Variants in TBC1D8B observed in about 807,000 individuals in gnomAD.
The protein encoded by TBC1D8B is TBC1 domain family member 8B, also known as RP11-321G1.1.
Under a neutral mutation model 82.9 loss-of-function variants are expected in TBC1D8B, and 75 were observed. The ratio of observed to expected loss-of-function variants is 0.90; its 90% CI spans 0.75 to 1.10. The LOEUF (loss-of-function observed/expected upper bound fraction) is 1.10, where lower values mean the gene tolerates loss of function less well. Among genes scored for constraint, TBC1D8B ranks in the 50% least tolerant of loss-of-function variants. The pLI, the probability that TBC1D8B is intolerant of heterozygous loss-of-function variation, is 0.00. For synonymous variants in TBC1D8B, 276 were observed against 276.8 expected (o/e 1.00, Z 0.03); for missense variants, 794 against 796.9 (o/e 1.00, Z 0.04).
In TBC1D8B at chrX:106,826,032, G is replaced by T; in HGVS notation, c.830G>T (p.Gly277Val). 3 of 1,208,287 alleles carry T rather than the reference G, an allele frequency of 2.5e-6. No homozygotes were observed. The highest frequency in any genetic ancestry group is 3.4e-6 in the Non-Finnish European group (3 of 893,791). The change falls in exon 6 of 21, where the codon GGT becomes GTT. Residue 277 changes from glycine to valine, a missense_variant and splice_region_variant. By Grantham distance (109) the Gly-to-Val change is moderately radical. Transcript: ENST00000357242. ...LYNPLQITKR[G>V]LENRAHSEQF... is the part of the protein sequence containing the mutation. ...ATCCCATTTTTTCTTTCCTACAGAG[G>T]TCTGGAAAATAGAGCCCACAGTGAG...
chrX:106,868,600 AC>A, intron 18 of TBC1D8B, 124 bp downstream of exon 18: 1 of 354,475 alleles, frequency 2.8e-6, no homozygotes, highest in Non-Finnish European at 4.6e-6. Flanking sequence ...CTTTTGTATT[AC>A]CACAGCACTT....
At chrX:106,815,736 G>A (rs1385757443) in intron 1 of TBC1D8B, 1 of 110,997 alleles carries the variant, frequency 9.0e-6, no homozygotes, top group Admixed American at 9.6e-5. Flanking sequence ...GCAGTGGTTT[G>A]TAGTTCTCCT....
intron 11 of TBC1D8B, among the ~76,000 whole-genome samples, chrX:106,848,838 C>T (rs994767860): frequency 9.1e-6 from 1 of 110,343 alleles, no homozygotes; most frequent in Admixed American, 9.7e-5. Flanking sequence ...AGTGCGGCCT[C>T]GGCTTACTGC....
chrX:106,872,229 G>A (rs180716224), intron 20 of TBC1D8B, among the ~76,000 whole-genome samples: 2 of 105,723 alleles, frequency 1.9e-5, no homozygotes, highest in East Asian at 6.0e-4. Context: ...CAGCCTGGGC[G>A]AGCTGAGATT....
At chrX:106,822,617 C>G (rs946257880) in intron 4 of TBC1D8B, among the ~76,000 whole-genome samples, 1 of 111,257 alleles carries the variant, frequency 9.0e-6, no homozygotes, top group Non-Finnish European at 1.9e-5. Flanking sequence ...AGCATACAAA[C>G]AGCTTTTACA....
chrX:106,821,886 G>C lies in TBC1D8B; in HGVS notation c.361-91G>C, dbSNP rs764729876. ...AACCCATGGATATGGAGGGCTGACTGTACAATTGTATTCAATCAACTGTTT... is the reference window on the plus strand; with the variant it reads ...AACCCATGGATATGGAGGGCTGACTCTACAATTGTATTCAATCAACTGTTT... On this transcript the variant is annotated intron_variant, in intron 3 of 20. Coordinates refer to ENST00000357242, the MANE Select transcript of TBC1D8B (RefSeq NM_017752.3). 6 of 749,350 alleles carry C rather than the reference G, an allele frequency of 8.0e-6. No homozygotes were observed. In the South Asian group the frequency reaches 1.6e-4, roughly 20 times the overall value. 61.8% of individuals were successfully genotyped at this position (749,350 alleles called of 1,213,427 possible). A position where few individuals can be genotyped will look rare whatever the true frequency, so the allele number is the denominator to read the frequency against.
intron 5 of TBC1D8B, 149 bp from the exon 6 acceptor site, chrX:106,825,881 T>C: frequency 2.5e-6 from 1 of 405,757 alleles, no homozygotes; most frequent in Non-Finnish European, 4.0e-6. Flanking sequence ...TATTTTTTTC[T>C]ATTTCAGAAT....
rs1412196949 is a variant in TBC1D8B at position 106,849,953 on chromosome X, A to G, written c.1838-72A>G. On this transcript the variant is annotated intron_variant, in intron 11 of 20. Transcript: ENST00000357242. The stretch of plus-strand genomic sequence containing the variant: ...GAATGAGATACATCAGCATGCTAAT[A>G]GAAGTGGGGAGGTATGGAAACAAGT... 2.2e-5 allele frequency: 24 copies of G among 1,108,213 alleles called. No individual in the cohort carries two copies. The Admixed American group carries it at 5.4e-4, about 25-fold the overall frequency. The allele number at this position is 1,108,213 out of a possible 1,213,427, so 91.3% of individuals were successfully genotyped here.
At chrX:106,809,525 AAG>A (rs1256109314) in intron 1 of TBC1D8B, among the ~76,000 whole-genome samples, 1 of 110,948 alleles carries the variant, frequency 9.0e-6, no homozygotes, top group Non-Finnish European at 1.9e-5. Context: ...TGTGAAGGGA[AAG>A]AGAGAAATAG....
intron 2 of TBC1D8B, 37 bp downstream of exon 2, chrX:106,818,810 A>G: frequency 1.9e-6 from 2 of 1,049,339 alleles, no homozygotes; most frequent in South Asian, 2.0e-5. Context: ...CAAATTAAAT[A>G]AGGGTACTAC....
At chrX:106,866,745 A>C in intron 16 of TBC1D8B, 52 bp from the exon 17 acceptor site, 1 of 897,787 alleles carries the variant, frequency 1.1e-6, no homozygotes, top group Non-Finnish European at 1.6e-6. Context: ...GCTGAAATTG[A>C]TTGAATGTTC....
intron 12 of TBC1D8B, among the ~76,000 whole-genome samples, chrX:106,852,370 G>T (rs1458615472): frequency 1.9e-5 from 2 of 104,596 alleles, no homozygotes; most frequent in African/African-American, 6.9e-5. Context: ...TAGGTTGCCT[G>T]TTCACTCTGA....
chrX:106,831,528 A>G (rs1408990248), intron 7 of TBC1D8B, among the ~76,000 whole-genome samples: 5 of 111,366 alleles, frequency 4.5e-5, no homozygotes, highest in African/African-American at 1.3e-4. Context: ...TACTTATATC[A>G]TGTTTTCCTT....
intron 6 of TBC1D8B, among the ~76,000 whole-genome samples, chrX:106,826,962 CAT>C (rs1931865957): frequency 1.8e-5 from 2 of 111,001 alleles, no homozygotes; most frequent in Non-Finnish European, 3.8e-5. Flanking sequence ...TTAAAGGATA[CAT>C]GTTAGACCTT....
At chrX:106,829,037 G>C (rs909786829) in intron 7 of TBC1D8B, 17 of 107,445 alleles carry the variant, frequency 1.6e-4, no homozygotes, top group Admixed American at 9.7e-5. Context: ...TGTATATCTA[G>C]AAAACCCCAT....
chrX:106,859,566 A>G (rs755176504), intron 14 of TBC1D8B, among the ~76,000 whole-genome samples: 115 of 111,985 alleles, frequency 1.0e-3, no homozygotes, highest in African/African-American at 3.6e-3. Context: ...ACTTTGCCAA[A>G]GTTGTTTACT....
intron 1 of TBC1D8B, among the ~76,000 whole-genome samples, chrX:106,807,827 C>T (rs1234867133): frequency 9.0e-6 from 1 of 111,134 alleles, no homozygotes; most frequent in Non-Finnish European, 1.9e-5. Flanking sequence ...CCAAGGCGGG[C>T]GGATCATTTG....
rs915576993 is a variant in TBC1D8B at position 106,803,125 on chromosome X, C to G, written c.130+142C>G. On this transcript the variant is annotated intron_variant, in intron 1 of 20. Coordinates refer to ENST00000357242, the MANE Select transcript of TBC1D8B (RefSeq NM_017752.3). ...ACTGGGGTTCTTCTCCCGACACCAC[C>G]TTTCCGCCACCACCTCCAAGTCCTG... 3.4e-5 allele frequency: 23 copies of G among 685,269 alleles called. No homozygotes were observed. The African/African-American group carries it at 4.9e-4, about 15-fold the overall frequency. 56.5% of individuals were successfully genotyped at this position (685,269 alleles called of 1,213,427 possible).
chrX:106,818,780 A>G lies in TBC1D8B; in HGVS notation c.241+7A>G. On this transcript the variant is annotated splice_region_variant and intron_variant, in intron 2 of 20. Transcript: ENST00000357242. The stretch of plus-strand genomic sequence containing the variant: ...TACTTGTCAATTGCATGTGGTGAGT[A>G]TGATTTTTAAAACATAATTCAAATT... 8.6e-7 allele frequency: 1 copy of G among 1,158,061 alleles called. No homozygotes were observed. The highest frequency in any genetic ancestry group is 2.4e-4 in the Middle Eastern group (1 of 4,198).
Sources: allele counts gnomAD v4.1 joint callset (sites outside exome capture counted in the v4.1 genomes callset), GRCh38; gene constraint gnomAD v4.1.1; transcripts MANE v1.5; gene names NCBI Gene and HGNC (gene_info 2026-07-23, HGNC 2026-07-21).